The following RBMS3 variants were observed in gnomAD, a reference collection of about 807,000 sequenced individuals.
RBMS3 encodes RNA-binding motif, single-stranded-interacting protein 3.
A neutral mutation model predicts 66.8 loss-of-function variants in RBMS3; 27 were observed. The ratio of observed to expected loss-of-function variants is 0.40; its 90% CI spans 0.30 to 0.56. The LOEUF (loss-of-function observed/expected upper bound fraction) is 0.56, where lower values mean the gene tolerates loss of function less well. Among genes scored for constraint, RBMS3 ranks in the 20% least tolerant of loss-of-function variants. RBMS3 has a pLI of 0.40. For missense variants in RBMS3, 513 were observed against 549.5 expected (o/e 0.93, Z 0.66); for synonymous variants, 188 against 183.0 (o/e 1.03, Z -0.22).
At chr3:29,520,642 T>G (rs1188121520) in intron 3 of RBMS3, among the ~76,000 whole-genome samples, 2 of 152,064 alleles carry the variant, frequency 1.3e-5, no homozygotes, top group South Asian at 2.1e-4. Context: ...GTAGGGAGGG[T>G]TTTTTTAGAT....
chr3:29,468,209 AC>A (rs2042604407), intron 2 of RBMS3, among the ~76,000 whole-genome samples: 1 of 152,164 alleles, frequency 6.6e-6, no homozygotes, highest in Admixed American at 6.5e-5. Context: ...CCGGCACTCT[AC>A]ATGCTGAAAT....
At chr3:29,450,900 GATACAC>G (rs1296687502) in intron 2 of RBMS3, among the ~76,000 whole-genome samples, 10 of 114,358 alleles carry the variant, frequency 8.7e-5, no homozygotes, top group African/African-American at 3.7e-4. Flanking sequence ...TCAACACACA[GATACAC>G]ACACACACAC....
chr3:29,581,243 G>C (rs1398219632), intron 3 of RBMS3, among the ~76,000 whole-genome samples: 1 of 152,098 alleles, frequency 6.6e-6, no homozygotes, highest in Non-Finnish European at 1.5e-5. Context: ...AGGTTTTCTT[G>C]TTGTTTTAAA....
At position 29,765,399 on chromosome 3, in the gene RBMS3, T is replaced by C. The variant is rs1298332900; in HGVS notation, c.637+2410T>C. ...ATGGCATCAGATATTTATACTTTTT[T>C]TAAGTGGCCAATTTCCGAATCTTTT... On this transcript the variant is annotated intron_variant, in intron 6 of 14. Coordinates refer to ENST00000383767, the MANE Select transcript of RBMS3 (RefSeq NM_001003793.3). Among the ~76,000 whole-genome samples, 4 of 152,006 alleles carry C rather than the reference T, an allele frequency of 2.6e-5. No individual in the cohort carries two copies. In the East Asian group the frequency reaches 5.8e-4, roughly 22 times the overall value.
chr3:29,860,222 C>CT (rs1284575522), intron 6 of RBMS3, among the ~76,000 whole-genome samples: 9 of 152,150 alleles, frequency 5.9e-5, no homozygotes, highest in Admixed American at 5.9e-4. Flanking sequence ...AAAAGCAGTT[C>CT]TAAGTTTTTG....
chr3:29,604,983 A>G lies in RBMS3; in HGVS notation c.399+17778A>G, dbSNP rs186022468. Among the ~76,000 whole-genome samples the G allele has an allele frequency of 5.1e-4, 78 of 152,048 alleles. No individual in the cohort carries two copies. In the South Asian group the frequency reaches 6.6e-3, roughly 13 times the overall value. On this transcript the variant is annotated intron_variant, in intron 4 of 14. Coordinates refer to ENST00000383767, the MANE Select transcript of RBMS3 (RefSeq NM_001003793.3). Reference sequence around the variant, plus strand: ...GACATCCTCCTCCAAAATAAAGCAAAAATAAATCTTATAATGACTTTCTTT... The same window carrying G: ...GACATCCTCCTCCAAAATAAAGCAAGAATAAATCTTATAATGACTTTCTTT...
chr3:29,427,202 G>C (rs1256361749), intron 1 of RBMS3, among the ~76,000 whole-genome samples: 4 of 152,184 alleles, frequency 2.6e-5, no homozygotes, highest in African/African-American at 9.7e-5. Context: ...TGTTACAAAA[G>C]ACATAATTGA....
At chr3:29,902,468 G>A (rs1197474068) in intron 10 of RBMS3, among the ~76,000 whole-genome samples, 1 of 151,794 alleles carries the variant, frequency 6.6e-6, no homozygotes, top group African/African-American at 2.4e-5. Flanking sequence ...GTTTGGTGGA[G>A]AAACTCTGTG....
At chr3:29,535,266 A>C (rs2045510399) in intron 3 of RBMS3, among the ~76,000 whole-genome samples, 1 of 152,210 alleles carries the variant, frequency 6.6e-6, no homozygotes, top group Non-Finnish European at 1.5e-5. Flanking sequence ...ACTACATTAC[A>C]ATAAAGATTT....
chr3:29,394,783 T>G (rs2039470730), intron 1 of RBMS3, among the ~76,000 whole-genome samples: 1 of 152,148 alleles, frequency 6.6e-6, no homozygotes, highest in Non-Finnish European at 1.5e-5. Flanking sequence ...GGCACCCCCC[T>G]GTCTTTGATT....
At chr3:29,688,214 C>A (rs12489011) in intron 4 of RBMS3, among the ~76,000 whole-genome samples, 7,675 of 152,124 alleles carry the variant, frequency 0.05, 666 homozygotes, top group African/African-American at 0.18. Context: ...CATCCTGAAA[C>A]AATGACCAAT....
chr3:29,990,018 A>G (rs1408599147), intron 13 of RBMS3, among the ~76,000 whole-genome samples: 1 of 152,212 alleles, frequency 6.6e-6, no homozygotes, highest in Non-Finnish European at 1.5e-5. Context: ...AGGGATTAAA[A>G]GAAATATTTC....
At chr3:29,549,312 G>T (rs748270023) in intron 3 of RBMS3, among the ~76,000 whole-genome samples, 12 of 151,988 alleles carry the variant, frequency 7.9e-5, no homozygotes, top group Non-Finnish European at 1.0e-4. Context: ...AAGAAGGTGA[G>T]CTAGGACAAG....
chr3:29,726,474 C>T (rs2053881713), intron 4 of RBMS3, among the ~76,000 whole-genome samples: 1 of 152,138 alleles, frequency 6.6e-6, no homozygotes, highest in Non-Finnish European at 1.5e-5. Flanking sequence ...TGTCTCAGCG[C>T]AAAAACTCCT....
At chr3:29,455,396 T>A (rs2042151690) in intron 2 of RBMS3, among the ~76,000 whole-genome samples, 1 of 152,092 alleles carries the variant, frequency 6.6e-6, no homozygotes, top group Non-Finnish European at 1.5e-5. Flanking sequence ...TAGAGTCGAT[T>A]CTTGTTATTC....
At chr3:29,849,150 C>T (rs1382717380) in intron 6 of RBMS3, among the ~76,000 whole-genome samples, 1 of 150,508 alleles carries the variant, frequency 6.6e-6, no homozygotes, top group African/African-American at 2.5e-5. Flanking sequence ...ATACACCACT[C>T]CTCCCCCTCC....
At chr3:29,485,075 C>G (rs952105524) in intron 2 of RBMS3, among the ~76,000 whole-genome samples, 18 of 152,084 alleles carry the variant, frequency 1.2e-4, no homozygotes, top group African/African-American at 4.3e-4. Context: ...AGAGTAGACC[C>G]ATAATAACTC....
At chr3:29,753,391 C>T (rs952076495) in intron 5 of RBMS3, among the ~76,000 whole-genome samples, 1 of 152,200 alleles carries the variant, frequency 6.6e-6, no homozygotes, top group Non-Finnish European at 1.5e-5. Context: ...GAGCAATGCC[C>T]ATCAGCCCAC....
At chr3:29,662,324 T>C (rs1268790513) in intron 4 of RBMS3, among the ~76,000 whole-genome samples, 1 of 152,200 alleles carries the variant, frequency 6.6e-6, no homozygotes, top group African/African-American at 2.4e-5. Context: ...CTATATTACC[T>C]GTTTATAGAC....
Sources: gnomAD v4.1 joint callset for allele counts (sites outside exome capture counted in the v4.1 genomes callset) on GRCh38, gnomAD v4.1.1 for gene constraint, MANE v1.5 for transcripts, NCBI Gene and HGNC (gene_info 2026-07-23, HGNC 2026-07-21) for gene names.